Variants in AGBL4 observed in about 807,000 individuals in gnomAD.
The protein encoded by AGBL4 is AGBL carboxypeptidase 4, also known as cytosolic carboxypeptidase 6.
Under a neutral mutation model 66.4 loss-of-function variants are expected in AGBL4, and 58 were observed. The ratio of observed to expected loss-of-function variants is 0.87; its 90% CI spans 0.71 to 1.09. The LOEUF (loss-of-function observed/expected upper bound fraction) is 1.09. Among genes scored for constraint, AGBL4 ranks in the 50% least tolerant of loss-of-function variants. The pLI is 0.00. For synonymous variants in AGBL4, 234 were observed against 222.9 expected (o/e 1.05, Z -0.44); for missense variants, 579 against 631.0 (o/e 0.92, Z 0.88).
chr1:48,659,470 A>C (rs1646072712), intron 7 of AGBL4, among the ~76,000 whole-genome samples: 1 of 152,196 alleles, frequency 6.6e-6, no homozygotes, highest in African/African-American at 2.4e-5. Context: ...ATTCAATGAT[A>C]AAGGGTCTGG....
chr1:49,376,999 T>C (rs1644484851), intron 3 of AGBL4, among the ~76,000 whole-genome samples: 2 of 152,146 alleles, frequency 1.3e-5, no homozygotes, highest in South Asian at 4.1e-4. Context: ...CTACATCCTC[T>C]GCTTCTGGTG....
intron 3 of AGBL4, among the ~76,000 whole-genome samples, chr1:49,421,326 G>C (rs1164115990): frequency 6.6e-6 from 1 of 151,388 alleles, no homozygotes; most frequent in Admixed American, 6.6e-5. Flanking sequence ...AAATGACTCT[G>C]TTGTCTTCAA....
intron 3 of AGBL4, among the ~76,000 whole-genome samples, chr1:49,489,417 A>C (rs1236586067): frequency 6.6e-6 from 1 of 151,652 alleles, no homozygotes; most frequent in African/African-American, 2.4e-5. Flanking sequence ...TTCCCTGCTT[A>C]TATATTCTGG....
chr1:49,722,903 G>A lies in AGBL4; in HGVS notation c.158-25466C>T, dbSNP rs78977646. Among the ~76,000 whole-genome samples, 66 of 152,156 alleles carry A rather than the reference G, an allele frequency of 4.3e-4. No individual in the cohort carries two copies. In the East Asian group the frequency reaches 0.012, roughly 27 times the overall value. On this transcript the variant is annotated intron_variant, in intron 2 of 13. Coordinates refer to ENST00000371839, the MANE Select transcript of AGBL4 (RefSeq NM_032785.4). Reference sequence around the variant, plus strand: ...CCTTTTAAATTATCAGGCCCAGAGAGGTACTGAAATGTGGCAGTAGTCACA... The same window carrying A: ...CCTTTTAAATTATCAGGCCCAGAGAAGTACTGAAATGTGGCAGTAGTCACA...
intron 4 of AGBL4, among the ~76,000 whole-genome samples, chr1:49,187,864 A>T (rs1569990871): frequency 6.6e-6 from 1 of 152,084 alleles, no homozygotes; most frequent in Non-Finnish European, 1.5e-5. Flanking sequence ...ATCTCATCTT[A>T]AATTGTAACT....
At chr1:49,918,083 GA>G (rs1651761231) in intron 1 of AGBL4, among the ~76,000 whole-genome samples, 1 of 152,068 alleles carries the variant, frequency 6.6e-6, no homozygotes, top group South Asian at 2.1e-4. Context: ...ACATTTAAAG[GA>G]GTGTGTAGAG....
At chr1:49,189,947 G>A (rs754150527) in intron 4 of AGBL4, among the ~76,000 whole-genome samples, 4 of 152,052 alleles carry the variant, frequency 2.6e-5, no homozygotes, top group Non-Finnish European at 5.9e-5. Flanking sequence ...TCCTTCAACA[G>A]GACACTCCTG....
At chr1:48,858,748 G>A (rs1647253495) in intron 6 of AGBL4, among the ~76,000 whole-genome samples, 1 of 152,084 alleles carries the variant, frequency 6.6e-6, no homozygotes, top group African/African-American at 2.4e-5. Flanking sequence ...TCTGGAACTA[G>A]GTAGTGGTAA....
chr1:49,724,976 G>T (rs1648905767), intron 2 of AGBL4, among the ~76,000 whole-genome samples: 1 of 149,768 alleles, frequency 6.7e-6, no homozygotes, highest in Non-Finnish European at 1.5e-5. Context: ...ATGGAAAGAA[G>T]AAATGAAGAA....
chr1:49,301,152 C>G (rs1273284027), intron 3 of AGBL4, among the ~76,000 whole-genome samples: 1 of 152,186 alleles, frequency 6.6e-6, no homozygotes, highest in Admixed American at 6.5e-5. Flanking sequence ...ATTCACTGAT[C>G]AGTATCTCTC....
chr1:48,867,208 AG>A lies in AGBL4; in HGVS notation c.616del (p.Leu206Ter). On this transcript the variant is annotated frameshift_variant, in exon 6 of 14. Coordinates refer to ENST00000371839, the MANE Select transcript of AGBL4 (RefSeq NM_032785.4). LOFTEE classifies it high-confidence loss of function. The part of the protein sequence containing the change: ...QSVQQRKLDL[L>X]TITSPDNLRE... ...CTACTCACCAGGGCTGGTTATCGTC[AG>A]GAGGTCAAGCTTTCGTTGTTGCTGC... is the stretch of plus-strand genomic sequence containing the variant. The A allele has an allele frequency of 1.2e-6, 2 of 1,613,628 alleles. No homozygotes were observed. Among genetic ancestry groups the A allele is most frequent in the Non-Finnish European group, 1.7e-6 (2 of 1,179,760 alleles).
At chr1:49,400,341 C>T (rs1645058236) in intron 3 of AGBL4, among the ~76,000 whole-genome samples, 1 of 152,084 alleles carries the variant, frequency 6.6e-6, no homozygotes, top group Admixed American at 6.6e-5. Flanking sequence ...GTTCTTTTTG[C>T]TGAGGATGGC....
chr1:49,953,218 A>G (rs1045499871), intron 1 of AGBL4, among the ~76,000 whole-genome samples: 2 of 151,976 alleles, frequency 1.3e-5, no homozygotes, highest in Non-Finnish European at 2.9e-5. Context: ...ATATTCCCAT[A>G]TGTGAATCTT....
intron 4 of AGBL4, among the ~76,000 whole-genome samples, chr1:49,143,169 T>C (rs1411324962): frequency 6.6e-6 from 1 of 152,148 alleles, no homozygotes; most frequent in Non-Finnish European, 1.5e-5. Context: ...TCTCTCCCCA[T>C]GTCCTATTCA....
At chr1:49,754,737 G>A (rs886915873) in intron 2 of AGBL4, among the ~76,000 whole-genome samples, 2 of 152,182 alleles carry the variant, frequency 1.3e-5, no homozygotes, top group Admixed American at 6.5e-5. Flanking sequence ...GAAATCCACT[G>A]CTCTCTTCAG....
At chr1:49,765,350 G>A (rs2147871138) in intron 2 of AGBL4, among the ~76,000 whole-genome samples, 1 of 151,956 alleles carries the variant, frequency 6.6e-6, no homozygotes, top group Non-Finnish European at 1.5e-5. Context: ...GGCTATACAA[G>A]CAAAGCCAAA....
rs577795005 is a variant in AGBL4 at position 49,808,202 on chromosome 1, G to A, written c.157+43194C>T. Among the ~76,000 whole-genome samples the A allele has an allele frequency of 1.1e-3, 163 of 152,274 alleles. 1 individual carries two copies. The highest frequency in any genetic ancestry group is 1.8e-3 in the Non-Finnish European group (124 of 68,004). ...AAGGAAGCTGGTGAATATGGTGACA[G>A]AAATTTTTGGAAACTCTCTTCCAAT... On this transcript the variant is annotated intron_variant, in intron 2 of 13. Transcript: ENST00000371839.
At chr1:49,464,849 A>T (rs1017361999) in intron 3 of AGBL4, among the ~76,000 whole-genome samples, 29 of 151,718 alleles carry the variant, frequency 1.9e-4, no homozygotes, top group African/African-American at 7.0e-4. Context: ...TGTGGGCTCC[A>T]TGATGAGAGA....
chr1:49,460,380 T>G (rs1452366671), intron 3 of AGBL4, among the ~76,000 whole-genome samples: 1 of 151,652 alleles, frequency 6.6e-6, no homozygotes, highest in Non-Finnish European at 1.5e-5. Flanking sequence ...TGTTTTCAAG[T>G]TTTTTTGTCT....
Sources: allele counts gnomAD v4.1 joint callset (sites outside exome capture counted in the v4.1 genomes callset), GRCh38; gene constraint gnomAD v4.1.1; transcripts MANE v1.5; gene names NCBI Gene and HGNC (gene_info 2026-07-23, HGNC 2026-07-21).